The following LRGUK variants were observed in gnomAD, a reference collection of about 807,000 sequenced individuals.
LRGUK encodes leucine rich repeats and guanylate kinase domain containing, also known as leucine-rich repeat and guanylate kinase domain-containing protein.
Under a neutral mutation model 76.0 loss-of-function variants are expected in LRGUK, and 65 were observed. The ratio of observed to expected loss-of-function variants is 0.85; its 90% confidence interval spans 0.70 to 1.05. LRGUK has a LOEUF of 1.05. LRGUK is among the 50% of genes least tolerant of loss of function. LRGUK has a pLI of 0.00. For synonymous variants in LRGUK, 268 were observed against 265.6 expected, an observed-to-expected ratio of 1.01 and a Z score of -0.09; for missense variants, 758 against 732.8, an observed-to-expected ratio of 1.03 and a Z score of -0.40.
At chr7:134,223,856 A>G (rs1398138080) in intron 16 of LRGUK, among the ~76,000 whole-genome samples, 1 of 152,134 alleles carries the variant, frequency 6.6e-6, no homozygotes, top group Non-Finnish European at 1.5e-5. Context: ...GCCTGGCCCC[A>G]AGTGATCCTC....
rs142922682 is a variant in LRGUK at position 134,252,420 on chromosome 7, G to A, written c.2198+3344G>A. Among the ~76,000 whole-genome samples the A allele has an allele frequency of 3.3e-3, 503 of 152,088 alleles. 3 individuals are homozygous for A. The highest frequency in any genetic ancestry group is 0.011 in the African/African-American group (473 of 41,448). On this transcript the variant is annotated intron_variant, in intron 18 of 19. Transcript: ENST00000285928. ...CTGGCATAGAATTCCAAAAGCTGTCGTCCAACAAAAAGAAGACAGTCCCAA... is the reference window on the plus strand; with the variant it reads ...CTGGCATAGAATTCCAAAAGCTGTCATCCAACAAAAAGAAGACAGTCCCAA...
chr7:134,158,046 G>A (rs1798560224), exon 6 of LRGUK: 1 of 1,612,068 alleles, frequency 6.2e-7, no homozygotes, highest in Non-Finnish European at 8.5e-7. Context: ...CAATGAGATA[G>A]AAGAAATCAG....
rs747748220 is a variant in LRGUK, at chr7:134,197,049, A to G, written c.1489A>G (p.Thr497Ala). The G allele has an allele frequency of 1.9e-4, 310 of 1,612,478 alleles. No homozygotes were observed. Among genetic ancestry groups the G allele is most frequent in the Non-Finnish European group, 2.6e-4 (303 of 1,178,846 alleles). The change falls in exon 13 of 16, where the codon ACC becomes GCC. Residue 497 changes from threonine to alanine, a missense_variant. Coordinates refer to ENST00000645682, the Ensembl canonical transcript of LRGUK. ...TCACAAGTATGGATTAAATAGGGAC[A>G]CCGTAGAAGGTATCGCAAGAGATGG...
At chr7:134,215,081 A>G (rs922526344), downstream of LRGUK, among the ~76,000 whole-genome samples, 15 of 152,172 alleles carry the variant, frequency 9.9e-5, no homozygotes, top group African/African-American at 3.4e-4. Flanking sequence ...CTGTTTTATT[A>G]AATGTAGTGC....
chr7:134,214,056 A>G (rs1412171287), downstream of LRGUK, among the ~76,000 whole-genome samples: 1 of 152,250 alleles, frequency 6.6e-6, no homozygotes, highest in Non-Finnish European at 1.5e-5. Context: ...CTTGGCATGA[A>G]AGCCTTCCTC....
At chr7:134,258,073 G>T (rs2598272) in intron 18 of LRGUK, among the ~76,000 whole-genome samples, 184 bp from the exon 19 acceptor site, 11,247 of 152,198 alleles carry the variant, frequency 0.074, 1,015 homozygotes, top group African/African-American at 0.21. Flanking sequence ...TACTTTAAGA[G>T]ATGTCAGCTT....
At chr7:134,264,247 C>G in exon 20 of LRGUK, 1 of 297,104 alleles carries the variant, frequency 3.4e-6, no homozygotes, top group Non-Finnish European at 6.1e-6. Context: ...AATGTCATTT[C>G]ATTTTTTTTT....
At chr7:134,194,497 T>C (rs1800400376) in intron 12 of LRGUK, among the ~76,000 whole-genome samples, 1 of 152,088 alleles carries the variant, frequency 6.6e-6, no homozygotes, top group Non-Finnish European at 1.5e-5. Context: ...ATCCCAGCAC[T>C]TTGGGAGGCT....
rs556252384 is a variant in LRGUK, at chr7:134,249,720, G to A, written c.2198+644G>A. Among the ~76,000 whole-genome samples, 21 of 152,312 alleles carry A rather than the reference G, an allele frequency of 1.4e-4. 1 individual carries two copies. In the South Asian group the frequency reaches 4.1e-3, roughly 30 times the overall value. On this transcript the variant is annotated intron_variant, in intron 18 of 19. Coordinates refer to the LRGUK transcript ENST00000285928. ...ATAGTGTGGCTCAAAAGCTGAAAAT[G>A]TTTACGCTGAGGGTCCCATATAGAC...
At chr7:134,247,619 C>G (rs904822938) in exon 17 of LRGUK, 1 of 1,613,430 alleles carries the variant, frequency 6.2e-7, no homozygotes, top group Non-Finnish European at 8.5e-7. Flanking sequence ...AAGGATACGC[C>G]CTGATCACAC....
chr7:134,172,466 T>C (rs1237545459), intron 7 of LRGUK, among the ~76,000 whole-genome samples: 2 of 152,166 alleles, frequency 1.3e-5, no homozygotes, highest in African/African-American at 4.8e-5. Context: ...TACAAAAAAA[T>C]TAGATACAAG....
At chr7:134,256,110 C>T (rs1307089779) in intron 18 of LRGUK, among the ~76,000 whole-genome samples, 1 of 152,128 alleles carries the variant, frequency 6.6e-6, no homozygotes, top group Non-Finnish European at 1.5e-5. Flanking sequence ...TTCCCTGCTC[C>T]TGCCTTTTCA....
At chr7:134,273,758 A>G in the LRGUK span, among the ~76,000 whole-genome samples, 1 of 152,094 alleles carries the variant, frequency 6.6e-6, no homozygotes, top group East Asian at 1.9e-4. Flanking sequence ...ACTATTGTTC[A>G]TATGCTTATT....
intron 18 of LRGUK, among the ~76,000 whole-genome samples, chr7:134,253,282 T>C (rs953202157): frequency 6.6e-6 from 1 of 152,194 alleles, no homozygotes; most frequent in Non-Finnish European, 1.5e-5. Context: ...TAATCAACTT[T>C]GACAGTGAAA....
intron 1 of LRGUK, among the ~76,000 whole-genome samples, chr7:134,134,313 G>A (rs146219932): frequency 8.1e-4 from 123 of 152,284 alleles, no homozygotes; most frequent in African/African-American, 2.6e-3. Context: ...TAGGTCCAGG[G>A]CATGGCCGTG....
At chr7:134,152,842 A>C (rs56159467) in intron 5 of LRGUK, among the ~76,000 whole-genome samples, 6,997 of 152,042 alleles carry the variant, frequency 0.046, 475 homozygotes, top group African/African-American at 0.15. Flanking sequence ...CATTCATAAG[A>C]GAAAGCATAA....
downstream of LRGUK, chr7:134,210,337 C>A (rs188285309): frequency 5.0e-6 from 2 of 398,230 alleles, no homozygotes; most frequent in South Asian, 1.3e-4. Context: ...ATTCCTGAGC[C>A]GCCCCACGCC....
intron 5 of LRGUK, among the ~76,000 whole-genome samples, chr7:134,150,536 C>A (rs1320718221): frequency 4.6e-5 from 7 of 151,480 alleles, no homozygotes; most frequent in Non-Finnish European, 1.0e-4. Context: ...GTCAGCAGCC[C>A]CTAAACTCTT....
intron 1 of LRGUK, among the ~76,000 whole-genome samples, chr7:134,128,380 T>G (rs1212265896): frequency 6.6e-6 from 1 of 152,232 alleles, no homozygotes; most frequent in African/African-American, 2.4e-5. Context: ...ACAATATCTC[T>G]TCTGACCACC....
Sources: gnomAD v4.1 joint callset for allele counts (sites outside exome capture counted in the v4.1 genomes callset) on GRCh38, gnomAD v4.1.1 for gene constraint, MANE v1.5 for transcripts, NCBI Gene and HGNC (gene_info 2026-07-23, HGNC 2026-07-21) for gene names.